Variants in RBM26 observed in about 807,000 individuals in gnomAD.
RBM26 encodes RNA binding motif protein 26.
A neutral mutation model predicts 123.6 loss-of-function variants in RBM26; 30 were observed. That is an observed-to-expected ratio of 0.24 (90% CI 0.18 to 0.33). RBM26 has a LOEUF of 0.33. Ranked by LOEUF, RBM26 falls within the 10% of genes least tolerant of loss-of-function variation. The pLI is 1.00. For synonymous variants in RBM26, 400 were observed against 404.4 expected (o/e 0.99, Z 0.13); for missense variants, 947 against 1,203.6 (o/e 0.79, Z 3.15).
At chr13:79,362,678 T>C (rs2074839367) in intron 9 of RBM26, among the ~76,000 whole-genome samples, 1 of 152,180 alleles carries the variant, frequency 6.6e-6, no homozygotes, top group African/African-American at 2.4e-5. Flanking sequence ...TCACCAGCCC[T>C]TTTGGAGAAT....
intron 20 of RBM26, among the ~76,000 whole-genome samples, chr13:79,332,635 A>C (rs1333886611): frequency 1.3e-5 from 2 of 152,184 alleles, no homozygotes; most frequent in African/African-American, 4.8e-5. Flanking sequence ...TATTTCCTCT[A>C]AATAGGTAAT....
chr13:79,359,431 T>C, intron 10 of RBM26, 144 bp downstream of exon 10: 1 of 471,612 alleles, frequency 2.1e-6, no homozygotes. Context: ...AACTTGCCAA[T>C]TTTTAGAAAA....
intron 21 of RBM26, among the ~76,000 whole-genome samples, chr13:79,321,791 G>C (rs1360301974): frequency 6.6e-6 from 1 of 151,326 alleles, no homozygotes; most frequent in Non-Finnish European, 1.5e-5. Context: ...TGAGTTTCCA[G>C]AGCATGTTGT....
rs572939813 is a variant in RBM26 at position 79,319,401 on chromosome 13, A to G, written c.*1220T>C. 1.4e-5 allele frequency: 14 copies of G among 984,504 alleles called. No homozygotes were observed. The highest frequency in any genetic ancestry group is 1.2e-4 in the Admixed American group (2 of 16,116). The allele number at this position is 984,504 out of a possible 1,614,324, so 61.0% of individuals were successfully genotyped here. Reference sequence around the variant, plus strand: ...ATGCATTTATTTCCTGGAAACTGCCATATCAACTTTCAATGATCATGTTCA... The same window carrying G: ...ATGCATTTATTTCCTGGAAACTGCCGTATCAACTTTCAATGATCATGTTCA... On this transcript the variant is annotated 3_prime_UTR_variant, in exon 22 of 22. Transcript: ENST00000438737.
At position 79,366,770 on chromosome 13, in the gene RBM26, G is replaced by A; in HGVS notation, c.998C>T (p.Ala333Val). Residue 333 changes from alanine (A) to valine (V), a missense_variant, in exon 7 of 22, where the codon GCA (alanine) becomes GTA (valine). This residue lies in a region of RBM26 where 493 missense variants were observed against 563.1 expected (regional missense o/e 0.88). Coordinates refer to ENST00000438737, the MANE Select transcript of RBM26 (RefSeq NM_001366735.2). ...TGGTCCTTCAACAACAGGAGGCTGT[G>A]CTGGGAAAGGCAGCATACCAGGAAG... ...VNLPGMLPFP[A>V]QPPVVEGPPP... is the part of the protein sequence containing the mutation. 1 of 1,613,940 alleles carries A rather than the reference G, an allele frequency of 6.2e-7. No individual in the cohort carries two copies. The highest frequency in any genetic ancestry group is 8.5e-7 in the Non-Finnish European group (1 of 1,179,936).
chr13:79,322,815 A>G (rs1409149444), intron 20 of RBM26, among the ~76,000 whole-genome samples: 2 of 151,468 alleles, frequency 1.3e-5, no homozygotes, highest in South Asian at 4.1e-4. Context: ...TAAGATGACA[A>G]TCCCAAGGTA....
chr13:79,317,837 A>G (rs1191336187), downstream of RBM26, among the ~76,000 whole-genome samples: 1 of 151,700 alleles, frequency 6.6e-6, no homozygotes, highest in Admixed American at 6.6e-5. Flanking sequence ...TGGAAAATTG[A>G]TAAGAATTAA....
intron 7 of RBM26, 36 bp downstream of exon 7, chr13:79,366,597 C>A: frequency 6.8e-7 from 1 of 1,478,358 alleles, no homozygotes; most frequent in Non-Finnish European, 9.0e-7. Flanking sequence ...CTAAGAATGG[C>A]TAGATAAATA....
At chr13:79,401,633 T>A (rs187103749) in intron 1 of RBM26, among the ~76,000 whole-genome samples, 1 of 152,152 alleles carries the variant, frequency 6.6e-6, no homozygotes, top group African/African-American at 2.4e-5. Flanking sequence ...GTAGCAACAG[T>A]AGTAATGTAG....
At chr13:79,368,226 C>A (rs2075537580) in intron 6 of RBM26, among the ~76,000 whole-genome samples, 1 of 152,104 alleles carries the variant, frequency 6.6e-6, no homozygotes, top group Non-Finnish European at 1.5e-5. Flanking sequence ...GGGTTGCATA[C>A]CATGTTAGCC....
chr13:79,345,014 C>T (rs1388635224), intron 14 of RBM26, among the ~76,000 whole-genome samples: 2 of 151,506 alleles, frequency 1.3e-5, no homozygotes, highest in East Asian at 1.9e-4. Flanking sequence ...CACCAAATAC[C>T]TATAGAAAAA....
downstream of RBM26, among the ~76,000 whole-genome samples, chr13:79,316,038 A>C (rs1286203706): frequency 2.6e-5 from 4 of 151,862 alleles, no homozygotes; most frequent in Admixed American, 6.6e-5. Context: ...TACACTAGAA[A>C]TTTAATTCTG....
intron 4 of RBM26, 131 bp from the exon 5 acceptor site, chr13:79,371,293 CTG>C: frequency 1.4e-6 from 1 of 718,674 alleles, no homozygotes; most frequent in Non-Finnish European, 2.3e-6. Context: ...ACTGAAAAAA[CTG>C]AGCTTAATAT....
intron 9 of RBM26, among the ~76,000 whole-genome samples, chr13:79,359,970 G>A (rs1201555715): frequency 2.6e-5 from 4 of 151,934 alleles, no homozygotes; most frequent in Non-Finnish European, 5.9e-5. Context: ...GCAGTTCTGA[G>A]TAGTGTGATA....
rs1483421841 is a variant in RBM26, at chr13:79,366,728, G to A, written c.1040C>T (p.Pro347Leu). ...VVEGPPPPGL[P>L]PPPPILTPPP... ...GGGTGTAAGAATTGGTGGAGGTGGG[G>A]GGAGTCCAGGAGGAGGTGGTCCTTC... Residue 347 changes from proline to leucine, a missense_variant, in exon 7 of 22, where the codon CCC becomes CTC. Around this residue, in one of 5 missense-constraint regions of RBM26, gnomAD observed 493 missense variants for 563.1 expected, o/e 0.88. Transcript: ENST00000438737. 1 of 1,613,066 alleles carries A rather than the reference G, an allele frequency of 6.2e-7. No individual in the cohort carries two copies.
intron 6 of RBM26, among the ~76,000 whole-genome samples, chr13:79,368,029 A>ATTTT (rs759616887): frequency 9.1e-6 from 1 of 110,316 alleles, no homozygotes; most frequent in Non-Finnish European, 2.0e-5. Flanking sequence ...TTATTTTTTT[A>ATTTT]TTTTTATTTT....
At chr13:79,403,257 A>C (rs988388124) in intron 1 of RBM26, among the ~76,000 whole-genome samples, 5 of 152,228 alleles carry the variant, frequency 3.3e-5, no homozygotes, top group African/African-American at 1.2e-4. Context: ...GCTCAATTTT[A>C]CCACAGCTAC....
chr13:79,370,250 A>T (rs2075744207), intron 5 of RBM26, among the ~76,000 whole-genome samples: 1 of 152,138 alleles, frequency 6.6e-6, no homozygotes, highest in Non-Finnish European at 1.5e-5. Context: ...CAGGAGGCGG[A>T]GGTTGCAATG....
At chr13:79,403,792 C>T (rs1193777926) in intron 1 of RBM26, among the ~76,000 whole-genome samples, 3 of 152,172 alleles carry the variant, frequency 2.0e-5, no homozygotes, top group Non-Finnish European at 2.9e-5. Flanking sequence ...AATAGGACTT[C>T]CATCTGCACA....
Sources: allele counts gnomAD v4.1 joint callset (sites outside exome capture counted in the v4.1 genomes callset), GRCh38; gene constraint gnomAD v4.1.1; regional missense constraint gnomAD v4.1.1; transcripts MANE v1.5; gene names NCBI Gene and HGNC (gene_info 2026-07-23, HGNC 2026-07-21).